Variants in ACVR1C observed in about 807,000 individuals in gnomAD.
ACVR1C encodes the protein activin A receptor type 1C, also known as activin receptor type-1C.
A neutral mutation model predicts 57.9 loss-of-function variants in ACVR1C; 23 were observed. That is an observed-to-expected ratio of 0.40 (90% confidence interval 0.29 to 0.56). The LOEUF is 0.56. Ranked by LOEUF, ACVR1C falls within the 20% of genes least tolerant of loss-of-function variation. The pLI is 0.50. For synonymous variants in ACVR1C, 214 were observed against 215.3 expected (o/e 0.99, Z 0.05); for missense variants, 480 against 607.9 (o/e 0.79, Z 2.21).
In ACVR1C at chr2:157,541,075, T is replaced by C. The variant is rs1463298376; in HGVS notation, c.1225+15A>G. 4 of 1,609,044 alleles carry C rather than the reference T, an allele frequency of 2.5e-6. No individual in the cohort carries two copies. Among genetic ancestry groups the C allele is most frequent in the Non-Finnish European group, 3.4e-6 (4 of 1,178,562 alleles). On this transcript the variant is annotated intron_variant, in intron 7 of 8. Transcript: ENST00000243349. ...CAAGGAAAGGCAAACACAAAGGATA[T>C]TTCCAAAATTTTACCTCCGACTGAA...
At chr2:157,554,577 A>G (rs1688044592) in intron 3 of ACVR1C, among the ~76,000 whole-genome samples, 1 of 152,204 alleles carries the variant, frequency 6.6e-6, no homozygotes, top group African/African-American at 2.4e-5. Context: ...GTAAACATTT[A>G]GTCTTCGTCA....
At chr2:157,567,025 G>A (rs1030108333) in intron 2 of ACVR1C, among the ~76,000 whole-genome samples, 9 of 103,790 alleles carry the variant, frequency 8.7e-5, no homozygotes, top group East Asian at 5.3e-4. Flanking sequence ...ATCTGAGAAC[G>A]GGCAGACTGC....
chr2:157,572,377 ATT>A, intron 2 of ACVR1C, among the ~76,000 whole-genome samples: 3 of 144,086 alleles, frequency 2.1e-5, no homozygotes, highest in African/African-American at 8.2e-5. Context: ...AAAAAAAAAA[ATT>A]AAAAAAAAAA....
At chr2:157,543,339 C>T (rs1290634887) in intron 5 of ACVR1C, among the ~76,000 whole-genome samples, 1 of 152,108 alleles carries the variant, frequency 6.6e-6, no homozygotes, top group Non-Finnish European at 1.5e-5. Flanking sequence ...TCAACCAAAA[C>T]AACATATGAG....
At chr2:157,544,169 G>T (rs1687686579) in intron 5 of ACVR1C, among the ~76,000 whole-genome samples, 2 of 149,588 alleles carry the variant, frequency 1.3e-5, no homozygotes, top group Admixed American at 1.3e-4. Context: ...CTCCCAAGTG[G>T]CTGGGACTAA....
At chr2:157,608,481 G>T (rs560492680) in intron 1 of ACVR1C, among the ~76,000 whole-genome samples, 4 of 151,552 alleles carry the variant, frequency 2.6e-5, no homozygotes, top group Non-Finnish European at 5.9e-5. Flanking sequence ...GGCTATCAGG[G>T]TATTGCTGGC....
chr2:157,583,692 A>T (rs1173787702), intron 2 of ACVR1C, among the ~76,000 whole-genome samples: 1 of 152,232 alleles, frequency 6.6e-6, no homozygotes, highest in East Asian at 1.9e-4. Context: ...CAGAAGAAAG[A>T]GGCCAGAAAT....
At chr2:157,574,703 T>C (rs1452508713) in intron 2 of ACVR1C, among the ~76,000 whole-genome samples, 1 of 152,184 alleles carries the variant, frequency 6.6e-6, no homozygotes, top group Non-Finnish European at 1.5e-5. Context: ...TAGAATTGGG[T>C]TTAACTACAA....
At chr2:157,615,916 G>T (rs996336483) in intron 1 of ACVR1C, among the ~76,000 whole-genome samples, 4 of 152,144 alleles carry the variant, frequency 2.6e-5, no homozygotes, top group Admixed American at 2.0e-4. Flanking sequence ...AATGCAAGCT[G>T]CCTTCAAGAT....
In ACVR1C at chr2:157,541,041, T is replaced by G. The variant is rs2105206038; in HGVS notation, c.1225+49A>C. 7 of 1,585,480 alleles carry G rather than the reference T, an allele frequency of 4.4e-6. No individual in the cohort carries two copies. In the South Asian group the frequency reaches 8.0e-5, roughly 18 times the overall value. Reference sequence around the variant, plus strand: ...AAAGATAGAATATCACATCTTGTATTCAGAGTATCAAGGAAAGGCAAACAC... The same window carrying G: ...AAAGATAGAATATCACATCTTGTATGCAGAGTATCAAGGAAAGGCAAACAC... On this transcript the variant is annotated intron_variant, in intron 7 of 8. Coordinates refer to ENST00000243349, the MANE Select transcript of ACVR1C (RefSeq NM_145259.3).
At chr2:157,599,291 G>A (rs549595682) in intron 1 of ACVR1C, among the ~76,000 whole-genome samples, 52 of 119,032 alleles carry the variant, frequency 4.4e-4, no homozygotes, top group African/African-American at 1.6e-3. Flanking sequence ...CCAAGATGGC[G>A]CCACTGCACT....
At chr2:157,540,246 T>G (rs1286746660) in intron 7 of ACVR1C, among the ~76,000 whole-genome samples, 1 of 152,250 alleles carries the variant, frequency 6.6e-6, no homozygotes, top group Non-Finnish European at 1.5e-5. Flanking sequence ...CACTTGAAAG[T>G]GGAAACTCTA....
chr2:157,562,842 C>G (rs1045851816), intron 2 of ACVR1C, among the ~76,000 whole-genome samples: 1 of 150,008 alleles, frequency 6.7e-6, no homozygotes, highest in African/African-American at 2.4e-5. Context: ...TGTAATCCAT[C>G]ACATAAACAA....
chr2:157,585,008 A>C (rs965215466), intron 2 of ACVR1C, among the ~76,000 whole-genome samples: 3 of 152,106 alleles, frequency 2.0e-5, no homozygotes, highest in Non-Finnish European at 4.4e-5. Context: ...TTTCATAATG[A>C]CTCCTTTCAT....
Position 157,628,733 on chromosome 2 carries a change from CGCGGGAGGGGA to C in ACVR1C, c.-100_-90del. 8.3e-7 allele frequency: 1 copy of C among 1,200,514 alleles called. No individual in the cohort carries two copies. 74.4% of individuals were successfully genotyped at this position (1,200,514 alleles called of 1,614,324 possible). On this transcript the variant is annotated 5_prime_UTR_variant, in exon 1 of 9. Transcript: ENST00000243349. ...ACGGCCCGCTTTGAAGTTCCCGGGC[CGCGGGAGGGGA>C]GCGCGGCACCGACACCCTTTTGAAG...
At chr2:157,605,694 G>A (rs995234262) in intron 1 of ACVR1C, among the ~76,000 whole-genome samples, 3 of 151,538 alleles carry the variant, frequency 2.0e-5, no homozygotes, top group Admixed American at 1.3e-4. Flanking sequence ...GACACATAAG[G>A]TCTTATTTAT....
intron 2 of ACVR1C, among the ~76,000 whole-genome samples, chr2:157,566,617 C>A (rs540762268): frequency 1.3e-5 from 2 of 152,086 alleles, no homozygotes; most frequent in African/African-American, 2.4e-5. Flanking sequence ...CCTGGAAAAT[C>A]GGGTCACTCC....
At chr2:157,584,885 G>A (rs548673687) in intron 2 of ACVR1C, among the ~76,000 whole-genome samples, 2 of 152,202 alleles carry the variant, frequency 1.3e-5, no homozygotes, top group East Asian at 3.9e-4. Context: ...CCATAGAATG[G>A]GACATTATTC....
In ACVR1C at chr2:157,628,749, G is replaced by C; in HGVS notation, c.-105C>G. On this transcript the variant is annotated 5_prime_UTR_variant, in exon 1 of 9. Coordinates refer to ENST00000243349, the MANE Select transcript of ACVR1C (RefSeq NM_145259.3). ...TTCCCGGGCCGCGGGAGGGGAGCGC[G>C]GCACCGACACCCTTTTGAAGTGCGC... is the stretch of plus-strand genomic sequence containing the variant. 2 of 1,028,112 alleles carry C rather than the reference G, an allele frequency of 1.9e-6. No homozygotes were observed. Among genetic ancestry groups the C allele is most frequent in the Non-Finnish European group, 2.7e-6 (2 of 744,260 alleles). 63.7% of individuals were successfully genotyped at this position (1,028,112 alleles called of 1,614,324 possible).
Sources: gnomAD v4.1 joint callset for allele counts (sites outside exome capture counted in the v4.1 genomes callset) on GRCh38, gnomAD v4.1.1 for gene constraint, MANE v1.5 for transcripts, NCBI Gene and HGNC (gene_info 2026-07-23, HGNC 2026-07-21) for gene names.